Variants in KANSL3 observed in about 807,000 individuals in gnomAD.
KANSL3 encodes KAT8 regulatory NSL complex subunit 3.
In KANSL3, 16 loss-of-function variants were observed where a neutral mutation model predicts 89.2. The ratio of observed to expected loss-of-function variants is 0.18; its 90% CI spans 0.12 to 0.27. The LOEUF (loss-of-function observed/expected upper bound fraction) is 0.27, where lower values mean the gene tolerates loss of function less well. Ranked by LOEUF, KANSL3 falls within the 10% of genes least tolerant of loss-of-function variation. The pLI, the probability that KANSL3 is intolerant of heterozygous loss-of-function variation, is 1.00. For missense variants in KANSL3, 879 were observed against 1,110.6 expected (o/e 0.79, Z 2.96); for synonymous variants, 385 against 419.7 (o/e 0.92, Z 1.01).
At chr2:96,616,091 A>G (rs1303145980) in intron 5 of KANSL3, among the ~76,000 whole-genome samples, 1 of 152,204 alleles carries the variant, frequency 6.6e-6, no homozygotes, top group East Asian at 1.9e-4. Context: ...GAATGTGTAG[A>G]GCTTATTCCA....
At chr2:96,582,397 C>CA in the KANSL3 span, among the ~76,000 whole-genome samples, 378 of 139,700 alleles carry the variant, frequency 2.7e-3, 2 homozygotes, top group Middle Eastern at 7.4e-3. Context: ...GACTCTGTCT[C>CA]AAAAAAAAAA....
chr2:96,598,027 C>CCA (rs1296099240), intron 20 of KANSL3: 16 of 856,872 alleles, frequency 1.9e-5, no homozygotes, highest in Non-Finnish European at 2.2e-5. Context: ...GACCTCTACT[C>CCA]TCTTCTCAAT....
rs761260093 is a variant in KANSL3 at position 96,619,559 on chromosome 2, T to C, written c.478-15A>G. ...TCATTACAAGCCTGAAGGATGTAAGTGGAAGTAATAAAACATGAGGACTAC... is the reference window on the plus strand; with the variant it reads ...TCATTACAAGCCTGAAGGATGTAAGCGGAAGTAATAAAACATGAGGACTAC... On this transcript the variant is annotated splice_polypyrimidine_tract_variant and intron_variant, in intron 4 of 20. Transcript: ENST00000431828. 5 of 1,611,658 alleles carry C rather than the reference T, an allele frequency of 3.1e-6. No homozygotes were observed. Among genetic ancestry groups the C allele is most frequent in the Non-Finnish European group, 4.2e-6 (5 of 1,177,990 alleles).
rs1321851470 is a variant in KANSL3, at chr2:96,604,847, G to A, written c.1950C>T (p.Pro650=). 6.3e-7 allele frequency: 1 copy of A among 1,595,648 alleles called. No homozygotes were observed. The highest frequency in any genetic ancestry group is 1.3e-5 in the African/African-American group (1 of 74,652). ...AAGCCTGCCCCAGTGTCATGGTGAT[G>A]GGCTTCCCACCTGCAGCTTCAAAAC... The part of the protein sequence containing the change: ...GSAPEAAGGK[P]ITMTLGQASA... The change falls in exon 16 of 21, where the codon CCC becomes CCT. Residue 650 remains proline (P), a synonymous_variant. Transcript: ENST00000431828.
intron 17 of KANSL3, 56 bp from the exon 18 acceptor site, chr2:96,602,918 G>C: frequency 6.6e-6 from 10 of 1,525,946 alleles, no homozygotes; most frequent in Non-Finnish European, 9.1e-6. Flanking sequence ...ACTATCCCGA[G>C]AGCAGCCACA....
chr2:96,615,657 C>A, intron 5 of KANSL3: 2 of 368,244 alleles, frequency 5.4e-6, no homozygotes, highest in African/African-American at 2.1e-5. Context: ...TGTAAAACTC[C>A]AAAAATAGCA....
intron 2 of KANSL3, among the ~76,000 whole-genome samples, chr2:96,633,897 T>A (rs962822881): frequency 5.9e-5 from 9 of 152,262 alleles, no homozygotes; most frequent in Admixed American, 3.3e-4. Flanking sequence ...TTCAGTTCCG[T>A]AGTGACGTTA....
At position 96,602,300 on chromosome 2, in the gene KANSL3, C is replaced by G; in HGVS notation, c.2298G>C (p.Leu766=). The G allele has an allele frequency of 6.2e-7, 1 of 1,611,932 alleles. No homozygotes were observed. The highest frequency in any genetic ancestry group is 8.5e-7 in the Non-Finnish European group (1 of 1,179,210). The change falls in exon 19 of 21, where the codon CTG becomes CTC. Residue 766 remains leucine, a synonymous_variant. Coordinates refer to ENST00000431828, the MANE Select transcript of KANSL3 (RefSeq NM_001115016.3). ...TGCTGGTGCCCGTGGTGATGGCACC[C>G]AGGCTCTGCATGGGGGTGGGCAACT... The part of the protein sequence containing the change: ...SVKLPTPMQS[L]GAITTGTSTI...
the KANSL3 span, among the ~76,000 whole-genome samples, chr2:96,584,312 G>A: frequency 4.1e-4 from 63 of 152,156 alleles, no homozygotes; most frequent in East Asian, 0.011. Context: ...CACTGCACTC[G>A]GCCAGCTTTT....
intron 20 of KANSL3, chr2:96,599,668 A>G (rs537027085): frequency 4.3e-6 from 2 of 462,836 alleles, no homozygotes; most frequent in Non-Finnish European, 5.7e-6. Context: ...GGAATAACAT[A>G]TATGTAATTT....
At chr2:96,636,678 T>A (rs930287171) in intron 2 of KANSL3, 6 of 428,762 alleles carry the variant, frequency 1.4e-5, no homozygotes, top group Middle Eastern at 5.8e-4. Context: ...CGTCCTACTA[T>A]CTAAGTGGAA....
chr2:96,619,179 C>T (rs2070777938), intron 5 of KANSL3, among the ~76,000 whole-genome samples, 180 bp downstream of exon 5: 1 of 152,206 alleles, frequency 6.6e-6, no homozygotes, highest in Non-Finnish European at 1.5e-5. Context: ...GGGCTGAAAA[C>T]GTTTACACCA....
intron 6 of KANSL3, 105 bp downstream of exon 6, chr2:96,613,383 T>G (rs925345536): frequency 1.7e-5 from 15 of 879,456 alleles, no homozygotes; most frequent in Middle Eastern, 3.0e-4. Flanking sequence ...AAAATAATAA[T>G]AATAATAAAT....
chr2:96,613,444 A>C (rs2069379170), intron 6 of KANSL3, 44 bp downstream of exon 6: 1 of 1,551,292 alleles, frequency 6.4e-7, no homozygotes, highest in African/African-American at 1.4e-5. Flanking sequence ...CTTGAGTCTA[A>C]AATTTTTATG....
the KANSL3 span, among the ~76,000 whole-genome samples, chr2:96,581,703 ATC>A: frequency 6.6e-6 from 1 of 152,196 alleles, no homozygotes; most frequent in African/African-American, 2.4e-5. Flanking sequence ...CACTTTCTAT[ATC>A]TCTGTCTACT....
rs1558673944 is a variant in KANSL3 at position 96,605,385 on chromosome 2, G to A, written c.1868C>T (p.Ser623Phe). 2 of 1,613,926 alleles carry A rather than the reference G, an allele frequency of 1.2e-6. No individual in the cohort carries two copies. The highest frequency in any genetic ancestry group is 2.2e-5 in the East Asian group (1 of 44,890). Reference protein sequence around the residue: ...KTSKRPKIKVSLISQGDTAGG... With the variant: ...KTSKRPKIKVFLISQGDTAGG... ...AGCTGTGTCCCCTTGGGAGATAAGG[G>A]ACACCTTGATCTTCGGTCGTTTGGA... The change falls in exon 15 of 21, where the codon TCC becomes TTC. Residue 623 changes from serine to phenylalanine, a missense_variant. Ser to Phe is a radical substitution (Grantham distance 155, BLOSUM62 -2). Around this residue, in one of 6 missense-constraint regions of KANSL3, gnomAD observed 317 missense variants for 311.2 expected, o/e 1.02. Coordinates refer to ENST00000431828, the MANE Select transcript of KANSL3 (RefSeq NM_001115016.3).
Position 96,619,431 on chromosome 2 carries a change from G to A in KANSL3, c.591C>T (p.Thr197=). Residue 197 remains threonine, a synonymous_variant, in exon 5 of 21, where the codon ACC becomes ACT. Coordinates refer to ENST00000431828, the MANE Select transcript of KANSL3 (RefSeq NM_001115016.3). ...WDTKLIQWLH[T]TLVETLSLPM... is the part of the protein sequence containing the mutation. Reference sequence around the variant, plus strand: ...GCAGACTCAAGGTCTCCACAAGGGTGGTGTGCAGCCACTGGATCAGCTTGG... The same window carrying A: ...GCAGACTCAAGGTCTCCACAAGGGTAGTGTGCAGCCACTGGATCAGCTTGG... The A allele has an allele frequency of 6.2e-7, 1 of 1,613,904 alleles. No homozygotes were observed. The highest frequency in any genetic ancestry group is 2.2e-5 in the East Asian group (1 of 44,876).
intron 3 of KANSL3, among the ~76,000 whole-genome samples, chr2:96,624,411 C>T (rs1030156372): frequency 5.3e-5 from 8 of 152,122 alleles, no homozygotes; most frequent in Non-Finnish European, 1.0e-4. Flanking sequence ...GTAAGTTCTA[C>T]CTTATTTGTG....
intron 5 of KANSL3, 24 bp from the exon 6 acceptor site, chr2:96,613,643 T>C (rs774642210): frequency 4.4e-6 from 7 of 1,607,814 alleles, no homozygotes; most frequent in African/African-American, 1.3e-5. Context: ...AGAGCAAAGA[T>C]GACTCCAGTG....
Sources: gnomAD v4.1 joint callset for allele counts (sites outside exome capture counted in the v4.1 genomes callset) on GRCh38, gnomAD v4.1.1 for gene constraint, gnomAD v4.1.1 regional missense constraint, MANE v1.5 for transcripts, NCBI Gene and HGNC (gene_info 2026-07-23, HGNC 2026-07-21) for gene names.